Variants in ESF1 observed in about 807,000 individuals in gnomAD.
ESF1 encodes ESF1 homolog.
ESF1 carries 58 observed loss-of-function variants against 92.0 expected under a neutral mutation model. The ratio of observed to expected loss-of-function variants is 0.63; its 90% CI spans 0.51 to 0.78. The LOEUF is 0.78. ESF1 is among the 30% of genes least tolerant of loss of function. The probability of loss-of-function intolerance (pLI) is 0.00; values close to 1 mark genes in which losing one functional copy is unlikely to be tolerated. For synonymous variants in ESF1, 321 were observed against 313.7 expected, an observed-to-expected ratio of 1.02 and a Z score of -0.24; for missense variants, 922 against 989.1, an observed-to-expected ratio of 0.93 and a Z score of 0.91.
At chr20:13,724,168 A>C (rs1451532855) in intron 11 of ESF1, among the ~76,000 whole-genome samples, 1 of 152,088 alleles carries the variant, frequency 6.6e-6, no homozygotes, top group Non-Finnish European at 1.5e-5. Context: ...AGTGGCACAC[A>C]CCTGTAGTCC....
At chr20:13,783,914 G>A (rs1980437875) in intron 1 of ESF1, among the ~76,000 whole-genome samples, 1 of 152,192 alleles carries the variant, frequency 6.6e-6, no homozygotes, top group African/African-American at 2.4e-5. Context: ...TCCGGCTACT[G>A]CCAACAAACA....
At chr20:13,770,158 T>C (rs981053813) in intron 6 of ESF1, 137 bp from the exon 7 acceptor site, 2 of 572,790 alleles carry the variant, frequency 3.5e-6, no homozygotes, top group African/African-American at 3.8e-5. Context: ...ATGTTAGACA[T>C]AACCTTTGTA....
chr20:13,721,562 G>A (rs2049868342), intron 11 of ESF1, among the ~76,000 whole-genome samples: 4 of 152,174 alleles, frequency 2.6e-5, no homozygotes, highest in African/African-American at 2.4e-5. Flanking sequence ...GGCAGGAGAA[G>A]GGAATGGTCA....
Position 13,718,986 on chromosome 20 carries a change from T to C in ESF1, c.2039-2A>G. 6.3e-7 allele frequency: 1 copy of C among 1,599,428 alleles called. No homozygotes were observed. On this transcript the variant is annotated splice_acceptor_variant, in intron 11 of 13. Transcript: ENST00000617257. LOFTEE classifies it high-confidence loss of function. Reference sequence around the variant, plus strand: ...ATTTTACCGATTTTTTATTTATACCTGGCACAACAAACCAACATAAGAGTG... The same window carrying C: ...ATTTTACCGATTTTTTATTTATACCCGGCACAACAAACCAACATAAGAGTG...
At chr20:13,737,288 C>A (rs1469729166) in intron 9 of ESF1, among the ~76,000 whole-genome samples, 1 of 152,122 alleles carries the variant, frequency 6.6e-6, no homozygotes, top group Non-Finnish European at 1.5e-5. Context: ...TCAATTATGA[C>A]AATAATAATT....
intron 8 of ESF1, chr20:13,763,020 C>T (rs2094651): frequency 0.68 from 141,190 of 208,168 alleles, 48,505 homozygotes; most frequent in East Asian, 0.89. Flanking sequence ...GCCACTACGC[C>T]CGGCTAATTT....
intron 10 of ESF1, among the ~76,000 whole-genome samples, chr20:13,729,154 C>A (rs1221710535): frequency 6.6e-6 from 1 of 151,738 alleles, no homozygotes; most frequent in Non-Finnish European, 1.5e-5. Flanking sequence ...AGCTACTTGG[C>A]AGGCGAGGCA....
intron 9 of ESF1, among the ~76,000 whole-genome samples, chr20:13,739,857 C>G (rs1045362485): frequency 1.3e-5 from 2 of 151,912 alleles, no homozygotes; most frequent in Non-Finnish European, 2.9e-5. Context: ...GGCCAAGAAG[C>G]CAGCACACAG....
At position 13,782,505 on chromosome 20, in the gene ESF1, T is replaced by A; in HGVS notation, c.636A>T (p.Ser212=). ...AATCTCTAATTTTTTCCAACCTACC[T>A]GATTGCATTTCTCTTCTTGTCTTAG... is the stretch of plus-strand genomic sequence containing the variant. ...ECSKTRREMQ[S]VVQLIMTRDS... The change falls in exon 2 of 14, where the codon TCA becomes TCT. Residue 212 remains serine, a splice_region_variant and synonymous_variant. Coordinates refer to ENST00000617257, the MANE Select transcript of ESF1 (RefSeq NM_001276380.2). 4 of 1,503,200 alleles carry A rather than the reference T, an allele frequency of 2.7e-6. No homozygotes were observed. In the East Asian group the frequency reaches 9.7e-5, roughly 36 times the overall value. The allele number at this position is 1,503,200 out of a possible 1,614,324, so 93.1% of individuals were successfully genotyped here.
intron 9 of ESF1, among the ~76,000 whole-genome samples, chr20:13,755,852 G>A (rs924222334): frequency 2.6e-5 from 4 of 152,084 alleles, no homozygotes; most frequent in African/African-American, 2.4e-5. Context: ...AAGGTAGAAC[G>A]TTTAAATAGT....
chr20:13,769,324 GGA>G (rs1409135137), intron 7 of ESF1, among the ~76,000 whole-genome samples: 1 of 152,150 alleles, frequency 6.6e-6, no homozygotes, highest in African/African-American at 2.4e-5. Context: ...AGAGTGTATA[GGA>G]GAGACAGAAG....
At chr20:13,750,226 T>C (rs1568719247) in intron 9 of ESF1, among the ~76,000 whole-genome samples, 1 of 152,110 alleles carries the variant, frequency 6.6e-6, no homozygotes, top group African/African-American at 2.4e-5. Flanking sequence ...CTATCCAGGC[T>C]GGGCCCAGTG....
At chr20:13,755,074 C>T (rs62209178) in intron 9 of ESF1, among the ~76,000 whole-genome samples, 25,875 of 152,176 alleles carry the variant, frequency 0.17, 2,812 homozygotes, top group Non-Finnish European at 0.24. Context: ...TTCTCCTTCA[C>T]CGGAGTATAA....
chr20:13,716,520 C>T (rs1037782948), intron 13 of ESF1, among the ~76,000 whole-genome samples: 2 of 152,100 alleles, frequency 1.3e-5, no homozygotes, highest in Admixed American at 6.5e-5. Flanking sequence ...ACTATTTCAC[C>T]TGGTGCTCAA....
At chr20:13,744,446 T>A (rs1344801035) in intron 9 of ESF1, among the ~76,000 whole-genome samples, 1 of 152,238 alleles carries the variant, frequency 6.6e-6, no homozygotes, top group Non-Finnish European at 1.5e-5. Flanking sequence ...TAAGTATTTC[T>A]TTAAAAACTG....
At position 13,745,544 on chromosome 20, in the gene ESF1, C is replaced by T. The variant is rs577825576; in HGVS notation, c.1829-11702G>A. ...TTGGCTCACTGCAACCTCCCCTTCC[C>T]GGGTTCAAGCGGTTCTCCTGCCTCA... On this transcript the variant is annotated intron_variant, in intron 9 of 13. Transcript: ENST00000617257. Among the ~76,000 whole-genome samples the T allele has an allele frequency of 8.8e-4, 134 of 152,202 alleles. 1 individual carries two copies. Among genetic ancestry groups the T allele is most frequent in the African/African-American group, 2.5e-3 (105 of 41,532 alleles).
rs139903908 is a variant in ESF1 at position 13,757,751 on chromosome 20, G to A, written c.1828+1941C>T. Among the ~76,000 whole-genome samples, 146 of 152,252 alleles carry A rather than the reference G, an allele frequency of 9.6e-4. 1 individual carries two copies. The highest frequency in any genetic ancestry group is 3.1e-3 in the African/African-American group (128 of 41,542). ...ACAATCTAGATGTGGTCCACTTAGT[G>A]TGGGAACCTGTATCATATATCTGTA... On this transcript the variant is annotated intron_variant, in intron 9 of 13. Transcript: ENST00000617257.
At chr20:13,746,347 T>C (rs1382251579) in intron 9 of ESF1, among the ~76,000 whole-genome samples, 1 of 152,228 alleles carries the variant, frequency 6.6e-6, no homozygotes, top group Non-Finnish European at 1.5e-5. Context: ...TCTATGACTT[T>C]TTCCCCACAA....
chr20:13,720,207 C>T (rs563906130), intron 11 of ESF1, among the ~76,000 whole-genome samples: 10 of 152,108 alleles, frequency 6.6e-5, no homozygotes, highest in Admixed American at 2.6e-4. Flanking sequence ...AGTGAACTGC[C>T]GTGAAGACTC....
Sources: gnomAD v4.1 joint callset for allele counts (sites outside exome capture counted in the v4.1 genomes callset) on GRCh38, gnomAD v4.1.1 for gene constraint, MANE v1.5 for transcripts, NCBI Gene and HGNC (gene_info 2026-07-23, HGNC 2026-07-21) for gene names.